Variants in PFKFB3 observed in about 807,000 individuals in gnomAD.
PFKFB3 encodes the protein 6-phosphofructo-2-kinase/fructose-2,6-bisphosphatase 3.
In PFKFB3, 33 loss-of-function variants were observed where a neutral mutation model predicts 68.0. The ratio of observed to expected loss-of-function variants is 0.49; its 90% CI spans 0.37 to 0.65. The LOEUF (loss-of-function observed/expected upper bound fraction) is 0.65, where lower values mean the gene tolerates loss of function less well. Among genes scored for constraint, PFKFB3 ranks in the 30% least tolerant of loss-of-function variants. The pLI, the probability that PFKFB3 is intolerant of heterozygous loss-of-function variation, is 0.00. For missense variants in PFKFB3, 586 were observed against 712.2 expected, an observed-to-expected ratio of 0.82 and a Z score of 2.02; for synonymous variants, 315 against 288.2, an observed-to-expected ratio of 1.09 and a Z score of -0.94.
intron 1 of PFKFB3, among the ~76,000 whole-genome samples, chr10:6,158,264 G>T (rs1421636911): frequency 3.3e-5 from 5 of 151,892 alleles, no homozygotes; most frequent in Non-Finnish European, 7.4e-5. Flanking sequence ...ACTCCAGCCT[G>T]GGGGGACAGA....
chr10:6,220,528 G>A lies in PFKFB3; in HGVS notation c.624-130G>A, dbSNP rs1844879309. On this transcript the variant is annotated intron_variant, in intron 7 of 14. Transcript: ENST00000379775. The surrounding 1 kb of genome is among the most constrained non-coding windows in gnomAD (Gnocchi z 4.1). ...ATGCTCTGCCCCTTAGAAGGATTCA[G>A]TCTGTGCCCTGGAGGGGCCTACGGT... The A allele has an allele frequency of 1.3e-6, 1 of 755,274 alleles. No individual in the cohort carries two copies. The highest frequency in any genetic ancestry group is 2.6e-5 in the East Asian group (1 of 38,908). The allele number at this position is 755,274 out of a possible 1,614,324, so 46.8% of individuals were successfully genotyped here.
intron 14 of PFKFB3, chr10:6,231,150 T>C (rs1027873878): frequency 1.3e-5 from 11 of 816,000 alleles, no homozygotes; most frequent in Non-Finnish European, 2.3e-5. Context: ...GCATTTGTGA[T>C]GCAACCTTCA....
intron 14 of PFKFB3, among the ~76,000 whole-genome samples, chr10:6,253,486 C>T (rs896589415): frequency 1.3e-5 from 2 of 152,066 alleles, no homozygotes; most frequent in Non-Finnish European, 2.9e-5. Flanking sequence ...AGGTCAATGG[C>T]CATGCATCAG....
chr10:6,225,440 A>G (rs1474157087), intron 13 of PFKFB3, among the ~76,000 whole-genome samples: 1 of 152,152 alleles, frequency 6.6e-6, no homozygotes, highest in African/African-American at 2.4e-5. Flanking sequence ...GCCTTTAGCC[A>G]TATGACAACA....
chr10:6,224,051 C>T (rs1564637738), intron 12 of PFKFB3, 31 bp downstream of exon 12: 6 of 1,613,610 alleles, frequency 3.7e-6, no homozygotes, highest in Non-Finnish European at 5.1e-6. Context: ...AGCCCTGTCC[C>T]CCTGAAGGTG....
At chr10:6,271,892 T>C in the PFKFB3 span, among the ~76,000 whole-genome samples, 1 of 152,184 alleles carries the variant, frequency 6.6e-6, no homozygotes, top group East Asian at 1.9e-4. Context: ...GAAGAAGTAT[T>C]GCAAAAGGGC....
chr10:6,241,597 C>G (rs1160981030), intron 14 of PFKFB3, among the ~76,000 whole-genome samples: 2 of 152,096 alleles, frequency 1.3e-5, no homozygotes, highest in Non-Finnish European at 2.9e-5. Flanking sequence ...TTTGGGAGGC[C>G]AAGGTGGGAG....
chr10:6,147,791 G>A (rs1841439746), intron 1 of PFKFB3, among the ~76,000 whole-genome samples: 1 of 150,786 alleles, frequency 6.6e-6, no homozygotes, highest in Non-Finnish European at 1.5e-5. Context: ...GGGACCTGAC[G>A]GGGTGGTCCA....
intron 1 of PFKFB3, among the ~76,000 whole-genome samples, chr10:6,174,557 C>T (rs375350415): frequency 2.1e-4 from 32 of 152,248 alleles, no homozygotes; most frequent in African/African-American, 7.7e-4. Flanking sequence ...AGCTGGGGCT[C>T]GCTTGTCAGG....
At chr10:6,155,654 C>T (rs957977109) in intron 1 of PFKFB3, among the ~76,000 whole-genome samples, 14 of 152,082 alleles carry the variant, frequency 9.2e-5, no homozygotes, top group Non-Finnish European at 1.8e-4. Context: ...GGACAGACCC[C>T]ACCCAGGCAC....
intron 13 of PFKFB3, chr10:6,225,106 C>T: frequency 2.2e-6 from 1 of 456,154 alleles, no homozygotes; most frequent in Admixed American, 2.3e-5. Flanking sequence ...GTAGAGTGGG[C>T]CTCTGCTCAG....
At chr10:6,313,488 CT>C in the PFKFB3 span, among the ~76,000 whole-genome samples, 3 of 152,196 alleles carry the variant, frequency 2.0e-5, no homozygotes, top group Non-Finnish European at 4.4e-5. This position sits in a 1 kb window ranked among gnomAD's most constrained non-coding sequence, Gnocchi z 4.2. Flanking sequence ...AAGCATGATG[CT>C]TTTCCCCTTG....
At chr10:6,270,889 GC>G in the PFKFB3 span, among the ~76,000 whole-genome samples, 1 of 152,280 alleles carries the variant, frequency 6.6e-6, no homozygotes, top group East Asian at 1.9e-4. Context: ...CCAAGATCTA[GC>G]CCCCTGCCTG....
At chr10:6,160,922 A>T (rs1229625811) in intron 1 of PFKFB3, among the ~76,000 whole-genome samples, 2 of 152,026 alleles carry the variant, frequency 1.3e-5, no homozygotes, top group East Asian at 3.9e-4. Context: ...GCCTTTTTTT[A>T]AATTTTTTTA....
At chr10:6,325,345 C>T in the PFKFB3 span, among the ~76,000 whole-genome samples, 9 of 152,238 alleles carry the variant, frequency 5.9e-5, no homozygotes, top group Middle Eastern at 3.4e-3. Context: ...ATGAAGAGCA[C>T]GTGGAAGACA....
chr10:6,242,761 T>G (rs911181338), intron 14 of PFKFB3, among the ~76,000 whole-genome samples: 10 of 152,172 alleles, frequency 6.6e-5, no homozygotes. Flanking sequence ...CTAATTTTTG[T>G]ATTTTTCATA....
chr10:6,167,547 C>T (rs74229658), intron 1 of PFKFB3, among the ~76,000 whole-genome samples: 1,649 of 152,272 alleles, frequency 0.011, 69 homozygotes, highest in East Asian at 0.099. Flanking sequence ...AAGGTAGGGG[C>T]TGTGGAATGT....
chr10:6,161,119 A>G (rs1249267543), intron 1 of PFKFB3, among the ~76,000 whole-genome samples: 1 of 152,024 alleles, frequency 6.6e-6, no homozygotes, highest in Admixed American at 6.6e-5. Context: ...TATTTTTAGT[A>G]GAGACGGGGT....
At chr10:6,147,975 A>G (rs1841450743) in intron 1 of PFKFB3, among the ~76,000 whole-genome samples, 1 of 152,210 alleles carries the variant, frequency 6.6e-6, no homozygotes, top group African/African-American at 2.4e-5. Flanking sequence ...TCCCTCACTT[A>G]TGGGAGGAAC....
Sources: gnomAD v4.1 joint callset for allele counts (sites outside exome capture counted in the v4.1 genomes callset) on GRCh38, gnomAD v4.1.1 for gene constraint, Gnocchi (gnomAD v3.1) non-coding constraint, MANE v1.5 for transcripts, NCBI Gene and HGNC (gene_info 2026-07-23, HGNC 2026-07-21) for gene names.